The following HEMK2 variants were observed in gnomAD, a reference collection of about 807,000 sequenced individuals.
HEMK2 encodes the protein HemK methyltransferase 2, ETF1 glutamine and histone H4 lysine, also known as methyltransferase HEMK2.
At chr21:28,857,987 C>CGGTCT in the HEMK2 span, among the ~76,000 whole-genome samples, 3 of 152,200 alleles carry the variant, frequency 2.0e-5, no homozygotes, top group Non-Finnish European at 4.4e-5. Flanking sequence ...ATAGGTCATG[C>CGGTCT]TGACCCACTT....
chr21:28,693,450 G>A, the HEMK2 span, among the ~76,000 whole-genome samples: 1,950 of 152,142 alleles, frequency 0.013, 41 homozygotes, highest in African/African-American at 0.044. Flanking sequence ...TTTTAAGCCC[G>A]ATCAACTGGA....
chr21:28,660,394 T>TC, the HEMK2 span, among the ~76,000 whole-genome samples: 7 of 151,804 alleles, frequency 4.6e-5, no homozygotes, highest in Admixed American at 4.6e-4. Flanking sequence ...TATTTTACTT[T>TC]TACATAAAAT....
At chr21:28,811,341 GAA>G in the HEMK2 span, among the ~76,000 whole-genome samples, 11 of 146,072 alleles carry the variant, frequency 7.5e-5, no homozygotes, top group Non-Finnish European at 1.1e-4. Flanking sequence ...GAAGGAGAAA[GAA>G]AGGAAGGAAG....
the HEMK2 span, among the ~76,000 whole-genome samples, chr21:28,834,521 G>T: frequency 4.6e-5 from 7 of 152,308 alleles, no homozygotes; most frequent in East Asian, 1.3e-3. Context: ...GGCTCCCCTA[G>T]CAGGCCATTC....
chr21:28,626,532 A>G, the HEMK2 span: 2 of 152,166 alleles, frequency 1.3e-5, no homozygotes, highest in Non-Finnish European at 2.9e-5. Flanking sequence ...GTCAATAATA[A>G]TAAGACAAAC....
chr21:28,682,798 A>C, the HEMK2 span, among the ~76,000 whole-genome samples: 1 of 152,126 alleles, frequency 6.6e-6, no homozygotes, highest in Non-Finnish European at 1.5e-5. Context: ...AAACTATCGC[A>C]AGGACAAAAA....
chr21:28,658,337 A>C, the HEMK2 span, among the ~76,000 whole-genome samples: 1 of 152,070 alleles, frequency 6.6e-6, no homozygotes, highest in Non-Finnish European at 1.5e-5. Context: ...CGAAACCAAT[A>C]GAGTGGGAAA....
chr21:28,816,465 T>C, the HEMK2 span, among the ~76,000 whole-genome samples: 2 of 152,066 alleles, frequency 1.3e-5, no homozygotes, highest in Admixed American at 1.3e-4. Flanking sequence ...AAGCCAGAAA[T>C]TCAAGAGCAG....
At chr21:28,754,893 T>C in the HEMK2 span, among the ~76,000 whole-genome samples, 1 of 152,206 alleles carries the variant, frequency 6.6e-6, no homozygotes, top group South Asian at 2.1e-4. Flanking sequence ...AGGCAAACTG[T>C]GATCCAGGCT....
the HEMK2 span, among the ~76,000 whole-genome samples, chr21:28,649,102 A>C: frequency 1.3e-5 from 2 of 152,104 alleles, no homozygotes; most frequent in Non-Finnish European, 2.9e-5. Flanking sequence ...ACGTCCCTAC[A>C]AAGGACATGA....
the HEMK2 span, among the ~76,000 whole-genome samples, chr21:28,576,996 C>A: frequency 1.3e-5 from 2 of 152,222 alleles, no homozygotes; most frequent in Admixed American, 6.5e-5. Context: ...CAGGCGTGAG[C>A]CACTGCGCCC....
At chr21:28,840,559 A>G in the HEMK2 span, among the ~76,000 whole-genome samples, 2 of 152,240 alleles carry the variant, frequency 1.3e-5, no homozygotes, top group South Asian at 2.1e-4. Context: ...TGAATAGACA[A>G]TTCTCAAAAG....
the HEMK2 span, among the ~76,000 whole-genome samples, chr21:28,785,139 C>T: frequency 6.6e-6 from 1 of 152,178 alleles, no homozygotes; most frequent in Admixed American, 6.5e-5. Flanking sequence ...AAGGAAGAAA[C>T]TCCAAACACA....
the HEMK2 span, among the ~76,000 whole-genome samples, chr21:28,839,091 C>A: frequency 7.0e-6 from 1 of 142,302 alleles, no homozygotes; most frequent in East Asian, 2.1e-4. Flanking sequence ...AAATGTGATA[C>A]AACAGATAAA....
At chr21:28,860,745 G>C in the HEMK2 span, among the ~76,000 whole-genome samples, 1 of 152,164 alleles carries the variant, frequency 6.6e-6, no homozygotes, top group Non-Finnish European at 1.5e-5. Context: ...GAACAGCCAT[G>C]GGAATGGATA....
chr21:28,783,949 C>T, the HEMK2 span, among the ~76,000 whole-genome samples: 40 of 152,218 alleles, frequency 2.6e-4, no homozygotes, highest in African/African-American at 8.0e-4. Flanking sequence ...GCCAGCCTGC[C>T]GGCGCTGAGC....
the HEMK2 span, among the ~76,000 whole-genome samples, chr21:28,656,177 G>T: frequency 1.3e-5 from 2 of 151,972 alleles, no homozygotes; most frequent in Non-Finnish European, 2.9e-5. Flanking sequence ...TCTTAACTAG[G>T]GGGGGAAGCC....
chr21:28,598,376 C>T, the HEMK2 span, among the ~76,000 whole-genome samples: 1 of 152,210 alleles, frequency 6.6e-6, no homozygotes, highest in African/African-American at 2.4e-5. Context: ...TGAGGTCAGT[C>T]AGACAGTCAT....
chr21:28,624,631 A>C, the HEMK2 span, among the ~76,000 whole-genome samples: 4 of 152,172 alleles, frequency 2.6e-5, no homozygotes, highest in Admixed American at 2.6e-4. Flanking sequence ...AGTGACTATG[A>C]TTATTTGGGA....
Sources: allele counts gnomAD v4.1 joint callset (sites outside exome capture counted in the v4.1 genomes callset), GRCh38; gene constraint gnomAD v4.1.1; transcripts MANE v1.5; gene names NCBI Gene and HGNC (gene_info 2026-07-23, HGNC 2026-07-21).